VIT: variants seen among roughly 807,000 people sequenced by gnomAD.
VIT encodes the protein vitrin.
Under a neutral mutation model 78.0 loss-of-function variants are expected in VIT, and 99 were observed. The ratio of observed to expected loss-of-function variants is 1.27; its 90% CI spans 1.08 to 1.50. The LOEUF (loss-of-function observed/expected upper bound fraction) is 1.50. Among genes scored for constraint, VIT ranks in the 40% most tolerant of loss-of-function variants. The pLI, the probability that VIT is intolerant of heterozygous loss-of-function variation, is 0.00. For missense variants in VIT, 1,126 were observed against 875.3 expected (o/e 1.29, Z -3.61); for synonymous variants, 374 against 334.3 (o/e 1.12, Z -1.29).
intron 9 of VIT, 29 bp from the exon 10 acceptor site, chr2:36,781,698 G>A: frequency 6.2e-7 from 1 of 1,613,374 alleles, no homozygotes; most frequent in South Asian, 1.1e-5. Context: ...TAAGTAACAA[G>A]TTTGTTTCTT....
chr2:36,724,378 C>T (rs1199434631), intron 2 of VIT, among the ~76,000 whole-genome samples: 1 of 152,204 alleles, frequency 6.6e-6, no homozygotes, highest in Non-Finnish European at 1.5e-5. Flanking sequence ...CAGGGACTGG[C>T]TCTCAGACCT....
intron 12 of VIT, among the ~76,000 whole-genome samples, chr2:36,798,492 C>A (rs1484567881): frequency 6.6e-6 from 1 of 152,220 alleles, no homozygotes; most frequent in African/African-American, 2.4e-5. Flanking sequence ...TACAGTGGCT[C>A]ATGCCTGTAA....
Position 36,814,209 on chromosome 2 carries a change from G to T in VIT, c.1930G>T (p.Ala644Ser), listed in dbSNP as rs780617942. Residue 644 changes from alanine (A) to serine (S), a missense_variant, in exon 16 of 16, where the codon GCC becomes TCC. Coordinates refer to ENST00000379242, the MANE Select transcript of VIT (RefSeq NM_053276.4). ...AGTGATCACCTATGCGATAGGCGTT[G>T]CCTGGGCTGCCCAAGAGGAGCTAGA... ...KGVITYAIGV[A>S]WAAQEELEVI... The T allele has an allele frequency of 3.7e-6, 6 of 1,614,106 alleles. No individual in the cohort carries two copies. In the African/African-American group the frequency reaches 8.0e-5, roughly 22 times the overall value.
intron 12 of VIT, among the ~76,000 whole-genome samples, chr2:36,791,380 C>A (rs150615808): frequency 6.6e-6 from 1 of 152,148 alleles, no homozygotes; most frequent in Non-Finnish European, 1.5e-5. Flanking sequence ...AAGCAAAATG[C>A]CGTGTCTGGT....
chr2:36,717,107 C>G (rs1666192903), intron 2 of VIT, among the ~76,000 whole-genome samples: 1 of 151,654 alleles, frequency 6.6e-6, no homozygotes, highest in South Asian at 2.1e-4. Context: ...GAACTCCTGA[C>G]CTCGTGATCC....
intron 3 of VIT, among the ~76,000 whole-genome samples, chr2:36,731,148 T>C (rs924277191): frequency 6.6e-6 from 1 of 152,016 alleles, no homozygotes; most frequent in Admixed American, 6.5e-5. Context: ...TGCCTAGGCA[T>C]TTGGCTGCCT....
intron 7 of VIT, among the ~76,000 whole-genome samples, chr2:36,769,742 C>T (rs1345364206): frequency 6.6e-5 from 10 of 152,074 alleles, no homozygotes; most frequent in Admixed American, 1.3e-4. Flanking sequence ...AATGGTTTTT[C>T]GTATATTCAT....
At chr2:36,744,441 A>G (rs1446495261) in intron 4 of VIT, among the ~76,000 whole-genome samples, 1 of 152,218 alleles carries the variant, frequency 6.6e-6, no homozygotes, top group African/African-American at 2.4e-5. Flanking sequence ...ATTCCCACCA[A>G]CAATGTATAA....
chr2:36,710,738 C>T (rs977792392), intron 1 of VIT, among the ~76,000 whole-genome samples: 1 of 152,174 alleles, frequency 6.6e-6, no homozygotes, highest in Non-Finnish European at 1.5e-5. Flanking sequence ...ATCAATCGTT[C>T]ATTCCTTTTT....
intron 1 of VIT, among the ~76,000 whole-genome samples, chr2:36,714,120 G>C (rs1026580630): frequency 6.6e-5 from 10 of 152,194 alleles, no homozygotes; most frequent in Non-Finnish European, 1.2e-4. Flanking sequence ...ATAACAAAGT[G>C]ATCAGTTCTG....
intron 9 of VIT, among the ~76,000 whole-genome samples, chr2:36,775,428 G>C (rs1669993781): frequency 6.6e-6 from 1 of 152,174 alleles, no homozygotes; most frequent in East Asian, 1.9e-4. Flanking sequence ...ACATGGTTCG[G>C]ATATGGCATG....
Position 36,716,442 on chromosome 2 carries a change from T to TATC in VIT, c.52+21_52+23dup. On this transcript the variant is annotated intron_variant, in intron 2 of 15. Transcript: ENST00000379242. Reference sequence around the variant, plus strand: ...TCCTTGGTAAGTACTTTTATATGTGTATCTGGATACCCTTTTAAAATTTTC... The same window carrying TATC: ...TCCTTGGTAAGTACTTTTATATGTGTATCATCTGGATACCCTTTTAAAATTTTC... 5 of 1,612,290 alleles carry TATC rather than the reference T, an allele frequency of 3.1e-6. No individual in the cohort carries two copies. Among genetic ancestry groups the TATC allele is most frequent in the Non-Finnish European group, 4.2e-6 (5 of 1,178,800 alleles).
chr2:36,785,432 G>A (rs1157225161), intron 11 of VIT, among the ~76,000 whole-genome samples: 4 of 152,186 alleles, frequency 2.6e-5, no homozygotes, highest in African/African-American at 7.2e-5. Context: ...CCTTGCTTGG[G>A]AATCCACAAC....
At chr2:36,756,109 C>A (rs1668749579) in intron 5 of VIT, among the ~76,000 whole-genome samples, 1 of 151,994 alleles carries the variant, frequency 6.6e-6, no homozygotes, top group African/African-American at 2.4e-5. Flanking sequence ...AGGCATGTGC[C>A]ACCATGCCCG....
At chr2:36,740,023 G>A (rs1336878492) in intron 3 of VIT, among the ~76,000 whole-genome samples, 1 of 152,218 alleles carries the variant, frequency 6.6e-6, no homozygotes, top group Non-Finnish European at 1.5e-5. Flanking sequence ...TGACTGTTCT[G>A]GCATTTGCCA....
chr2:36,715,209 T>G (rs1426678689), intron 1 of VIT, among the ~76,000 whole-genome samples: 3 of 152,144 alleles, frequency 2.0e-5, no homozygotes, highest in Non-Finnish European at 4.4e-5. Context: ...AACCTGCACT[T>G]CAACAAGAGC....
At chr2:36,749,764 C>T (rs933683947) in intron 4 of VIT, among the ~76,000 whole-genome samples, 5 of 152,184 alleles carry the variant, frequency 3.3e-5, no homozygotes, top group African/African-American at 9.6e-5. Flanking sequence ...GATAAAATTT[C>T]TGAATTATTC....
At chr2:36,721,419 G>T (rs535683608) in intron 2 of VIT, among the ~76,000 whole-genome samples, 1 of 151,936 alleles carries the variant, frequency 6.6e-6, no homozygotes, top group South Asian at 2.1e-4. Flanking sequence ...CCACCTCAGG[G>T]CCATTTGCTT....
Position 36,808,657 on chromosome 2 carries a change from C to A in VIT, c.1575C>A (p.Asn525Lys). Residue 525 changes from asparagine to lysine, a missense_variant, in exon 15 of 16, where the codon AAC becomes AAA. Coordinates refer to ENST00000379242, the MANE Select transcript of VIT (RefSeq NM_053276.4). ...GCTCCAGCAGTGTGGGGACGGGCAA[C>A]TTCCGCACCGTCCTCCAGTTTGTGA... ...IDGSSSVGTG[N>K]FRTVLQFVTN... 1 of 1,614,242 alleles carries A rather than the reference C, an allele frequency of 6.2e-7. No individual in the cohort carries two copies. Among genetic ancestry groups the A allele is most frequent in the Non-Finnish European group, 8.5e-7 (1 of 1,180,052 alleles).
Sources: allele counts gnomAD v4.1 joint callset (sites outside exome capture counted in the v4.1 genomes callset), GRCh38; gene constraint gnomAD v4.1.1; transcripts MANE v1.5; gene names NCBI Gene and HGNC (gene_info 2026-07-23, HGNC 2026-07-21).